ALK: variants seen among roughly 807,000 people sequenced by gnomAD.
ALK encodes ALK tyrosine kinase receptor.
A neutral mutation model predicts 163.1 loss-of-function variants in ALK; 74 were observed. That is an observed-to-expected ratio of 0.45 (90% CI 0.38 to 0.55). ALK has a LOEUF of 0.55. Among genes scored for constraint, ALK ranks in the 20% least tolerant of loss-of-function variants. ALK has a pLI of 0.00. For missense variants in ALK, 2,063 were observed against 2,105.3 expected (o/e 0.98, Z 0.39); for synonymous variants, 960 against 843.2 (o/e 1.14, Z -2.40).
rs149788374 is a variant in ALK at position 29,775,403 on chromosome 2, C to T, written c.668-57706G>A. Among the ~76,000 whole-genome samples, 14 of 152,246 alleles carry T rather than the reference C, an allele frequency of 9.2e-5. No individual in the cohort carries two copies. In the East Asian group the frequency reaches 2.5e-3, roughly 27 times the overall value. ...AAGGAATTGGAGATTGTCATGCCAC[C>T]AGGGTAGAAGGAAATCCCTCCTAAA... On this transcript the variant is annotated intron_variant, in intron 1 of 28. Coordinates refer to ENST00000389048, the MANE Select transcript of ALK (RefSeq NM_004304.5).
At chr2:29,586,221 T>A (rs1328551211) in intron 3 of ALK, among the ~76,000 whole-genome samples, 1 of 148,440 alleles carries the variant, frequency 6.7e-6, no homozygotes, top group Non-Finnish European at 1.5e-5. Flanking sequence ...GTTGCCCATT[T>A]TTTTGGGGGG....
chr2:29,888,748 A>G (rs1000405894), intron 1 of ALK, among the ~76,000 whole-genome samples: 9 of 152,144 alleles, frequency 5.9e-5, no homozygotes, highest in Non-Finnish European at 1.2e-4. Flanking sequence ...TATATCCAAA[A>G]TTTTTGCATC....
chr2:29,683,629 T>C (rs1256106186), intron 3 of ALK, among the ~76,000 whole-genome samples: 1 of 152,202 alleles, frequency 6.6e-6, no homozygotes, highest in African/African-American at 2.4e-5. Context: ...TAAATGTGCA[T>C]GATTACTGCC....
chr2:29,710,843 T>C (rs1188031789), intron 2 of ALK, among the ~76,000 whole-genome samples: 2 of 152,038 alleles, frequency 1.3e-5, no homozygotes, highest in Non-Finnish European at 1.5e-5. Context: ...TAACTCTCCA[T>C]CCACTTCTCT....
At chr2:29,498,675 G>A (rs1371243183) in intron 4 of ALK, among the ~76,000 whole-genome samples, 1 of 152,182 alleles carries the variant, frequency 6.6e-6, no homozygotes, top group East Asian at 1.9e-4. Flanking sequence ...TTGCTCATTT[G>A]TCTGCCAAGA....
intron 3 of ALK, among the ~76,000 whole-genome samples, chr2:29,540,592 TAAAAAAAAAAAACCC>T (rs1673387872): frequency 7.0e-6 from 1 of 143,020 alleles, no homozygotes; most frequent in Non-Finnish European, 1.5e-5. Flanking sequence ...TTTTTTTTTT[TAAAAAAAAAAAACCC>T]TATAGGTTTT....
At position 29,383,611 on chromosome 2, in the gene ALK, C is replaced by T. The variant is rs114485452; in HGVS notation, c.1282+121G>A. The T allele has an allele frequency of 3.4e-3, 4,568 of 1,361,576 alleles. 116 individuals are homozygous for T. The African/African-American group carries it at 0.059, about 17-fold the overall frequency. The allele number at this position is 1,361,576 out of a possible 1,614,324, so 84.3% of individuals were successfully genotyped here. A position where few individuals can be genotyped will look rare whatever the true frequency, so the allele number is the denominator to read the frequency against. On this transcript the variant is annotated intron_variant, in intron 5 of 28. Transcript: ENST00000389048. ...GGATTACAGGTGTGAGCCACAGCAC[C>T]CAGCCCACTCTAGACTTTTCTTCAT...
chr2:29,746,004 A>C (rs1054109960), intron 1 of ALK, among the ~76,000 whole-genome samples: 8 of 152,346 alleles, frequency 5.3e-5, no homozygotes, highest in South Asian at 2.1e-4. Context: ...GCACTTAAGT[A>C]TAAATCAGGT....
intron 5 of ALK, among the ~76,000 whole-genome samples, chr2:29,359,414 G>T (rs1668336788): frequency 6.6e-6 from 1 of 152,230 alleles, no homozygotes; most frequent in South Asian, 2.1e-4. Context: ...GTTCCTGGCA[G>T]GGTTGGTGTC....
At chr2:29,200,979 AATCG>A (rs1201425287) in intron 26 of ALK, among the ~76,000 whole-genome samples, 1 of 151,794 alleles carries the variant, frequency 6.6e-6, no homozygotes, top group African/African-American at 2.4e-5. Context: ...TAAACATTTG[AATCG>A]ATGAAGATAA....
intron 8 of ALK, among the ~76,000 whole-genome samples, chr2:29,311,952 G>T (rs1454934197): frequency 6.6e-6 from 1 of 152,074 alleles, no homozygotes; most frequent in Non-Finnish European, 1.5e-5. Flanking sequence ...CATGCTGGCT[G>T]GGGAGAGGAG....
At chr2:29,208,247 C>T (rs1669367495) in intron 25 of ALK, among the ~76,000 whole-genome samples, 1 of 151,942 alleles carries the variant, frequency 6.6e-6, no homozygotes, top group Admixed American at 6.6e-5. Flanking sequence ...ACTGATGGAG[C>T]TGAGGAGAAA....
At chr2:29,413,874 G>C (rs1669798359) in intron 4 of ALK, among the ~76,000 whole-genome samples, 1 of 151,972 alleles carries the variant, frequency 6.6e-6, no homozygotes, top group Admixed American at 6.6e-5. Context: ...CGCCATGTTG[G>C]CCACTCTGCC....
intron 1 of ALK, among the ~76,000 whole-genome samples, chr2:29,876,785 G>A (rs1293988733): frequency 6.6e-6 from 1 of 152,040 alleles, no homozygotes; most frequent in African/African-American, 2.4e-5. Context: ...TGATGATGGT[G>A]GTGATAATGA....
chr2:29,208,691 G>T (rs1333933368), intron 25 of ALK, among the ~76,000 whole-genome samples: 1 of 152,074 alleles, frequency 6.6e-6, no homozygotes, highest in African/African-American at 2.4e-5. Context: ...GGTGGTGTCT[G>T]GATCAGTCTC....
chr2:29,642,729 A>G (rs1676741022), intron 3 of ALK, among the ~76,000 whole-genome samples: 1 of 152,176 alleles, frequency 6.6e-6, no homozygotes, highest in Non-Finnish European at 1.5e-5. Flanking sequence ...AAAACAGGCA[A>G]ATCAAAATAA....
chr2:29,646,217 C>T (rs1369216777), intron 3 of ALK, among the ~76,000 whole-genome samples: 1 of 152,178 alleles, frequency 6.6e-6, no homozygotes, highest in Non-Finnish European at 1.5e-5. Context: ...TTATCCCCCC[C>T]AGGCCAAAAC....
At chr2:29,504,075 A>G (rs1672253191) in intron 4 of ALK, among the ~76,000 whole-genome samples, 1 of 152,132 alleles carries the variant, frequency 6.6e-6, no homozygotes. Context: ...AGCTAAACAC[A>G]ACACTGAGAC....
chr2:29,196,682 G>T (rs1445495926), intron 28 of ALK, 88 bp downstream of exon 28: 1 of 956,948 alleles, frequency 1.0e-6, no homozygotes. Flanking sequence ...ACTCTGACTG[G>T]CTTGACCTAT....
Sources: gnomAD v4.1 joint callset for allele counts (sites outside exome capture counted in the v4.1 genomes callset) on GRCh38, gnomAD v4.1.1 for gene constraint, MANE v1.5 for transcripts, NCBI Gene and HGNC (gene_info 2026-07-23, HGNC 2026-07-21) for gene names.